CDIN1: variants seen among roughly 807,000 people sequenced by gnomAD.
CDIN1 encodes the protein CDAN1 interacting nuclease 1.
In CDIN1, 33 loss-of-function variants were observed where a neutral mutation model predicts 45.3. The observed-to-expected ratio is 0.73, with a 90% CI of 0.55 to 0.97. The LOEUF (loss-of-function observed/expected upper bound fraction) is 0.97. CDIN1 is among the 50% of genes least tolerant of loss of function. CDIN1 has a pLI of 0.00. For missense variants in CDIN1, 303 were observed against 339.4 expected, an observed-to-expected ratio of 0.89 and a Z score of 0.84; for synonymous variants, 118 against 124.4, an observed-to-expected ratio of 0.95 and a Z score of 0.34.
intron 10 of CDIN1, among the ~76,000 whole-genome samples, chr15:36,807,150 GCCGTGA>G (rs778098568): frequency 6.6e-6 from 1 of 152,126 alleles, no homozygotes; most frequent in Non-Finnish European, 1.5e-5. Context: ...AATAAACCAG[GCCGTGA>G]CATCCAATTG....
rs201451061 is a variant in CDIN1 at position 36,579,905 on chromosome 15, A to C, written c.45A>C (p.Leu15=). The C allele has an allele frequency of 5.1e-5, 82 of 1,613,934 alleles. 1 individual carries two copies. In the Middle Eastern group the frequency reaches 1.2e-3, roughly 23 times the overall value. Residue 15 remains leucine (L), a synonymous_variant, in exon 1 of 11, where the codon CTA becomes CTC. Coordinates refer to ENST00000566621, the MANE Select transcript of CDIN1 (RefSeq NM_001321759.2). ...AGTACGACGAGATAGCCCAGTGCCT[A>C]GTGTCTGTGCCGCCTACCAGGCAGA... ...KAQYDEIAQC[L]VSVPPTRQSL...
chr15:36,703,400 TATGATATAC>T (rs1181013190), intron 8 of CDIN1, among the ~76,000 whole-genome samples: 33 of 31,266 alleles, frequency 1.1e-3, no homozygotes, highest in Admixed American at 2.1e-3. Flanking sequence ...TATATATATA[TATGATATAC>T]ATATATATCA....
In CDIN1 at chr15:36,673,173, A is replaced by G. The variant is rs1409921334; in HGVS notation, c.346+15268A>G. Reference sequence around the variant, plus strand: ...TAAGAGGAGTAAATTGGAAAATCAAATGAGGGCTTTAGCAGCCGGGGAGAT... The same window carrying G: ...TAAGAGGAGTAAATTGGAAAATCAAGTGAGGGCTTTAGCAGCCGGGGAGAT... On this transcript the variant is annotated intron_variant, in intron 5 of 10. Coordinates refer to ENST00000566621, the MANE Select transcript of CDIN1 (RefSeq NM_001321759.2). Among the ~76,000 whole-genome samples, 5 of 152,056 alleles carry G rather than the reference A, an allele frequency of 3.3e-5. No homozygotes were observed. The East Asian group carries it at 9.6e-4, about 29-fold the overall frequency.
chr15:36,703,817 G>A (rs1261307728), intron 8 of CDIN1, among the ~76,000 whole-genome samples: 5 of 152,074 alleles, frequency 3.3e-5, no homozygotes, highest in Non-Finnish European at 7.4e-5. Context: ...CATGGAGCTG[G>A]CCCAGCAAGA....
At chr15:36,673,948 A>G (rs2041547425) in intron 5 of CDIN1, among the ~76,000 whole-genome samples, 1 of 152,076 alleles carries the variant, frequency 6.6e-6, no homozygotes, top group African/African-American at 2.4e-5. Context: ...TCCTGAAAGT[A>G]ACGGAATTTT....
intron 10 of CDIN1, among the ~76,000 whole-genome samples, chr15:36,744,652 T>G (rs774124700): frequency 3.3e-5 from 5 of 152,216 alleles, no homozygotes; most frequent in South Asian, 2.1e-4. Flanking sequence ...GGAAGGTTTT[T>G]CCAACCACCT....
intron 1 of CDIN1, among the ~76,000 whole-genome samples, chr15:36,608,338 G>A (rs1054731176): frequency 6.6e-6 from 1 of 152,150 alleles, no homozygotes; most frequent in Non-Finnish European, 1.5e-5. Context: ...TAACACTTGT[G>A]TATTGTGTCC....
intron 10 of CDIN1, among the ~76,000 whole-genome samples, chr15:36,777,110 G>A (rs2054239103): frequency 6.6e-6 from 1 of 152,044 alleles, no homozygotes; most frequent in Non-Finnish European, 1.5e-5. Context: ...CATTATCTTG[G>A]TTGTTGATGG....
At position 36,808,438 on chromosome 15, in the gene CDIN1, C is replaced by G. The variant is rs1566990654; in HGVS notation, c.831C>G (p.Cys277Trp). 6.2e-7 allele frequency: 1 copy of G among 1,613,408 alleles called. No individual in the cohort carries two copies. The highest frequency in any genetic ancestry group is 2.2e-5 in the East Asian group (1 of 44,866). Residue 277 changes from cysteine to tryptophan, a missense_variant, in exon 11 of 11, where the codon TGC (cysteine) becomes TGG (tryptophan). Physicochemically the swap from Cys to Trp is radical, Grantham distance 215. Transcript: ENST00000566621. The stretch of plus-strand genomic sequence containing the variant: ...TCCCCACGAACATTGTCACCTTATG[C>G]CACAGCATAGCTTGACCCTGAAGAT... Reference protein sequence around the residue: ...ACFPTNIVTLCHSIA With the variant: ...ACFPTNIVTLWHSIA
At chr15:36,763,736 TA>T (rs1426660248) in intron 10 of CDIN1, among the ~76,000 whole-genome samples, 1 of 152,162 alleles carries the variant, frequency 6.6e-6, no homozygotes, top group African/African-American at 2.4e-5. Context: ...TTCTACATTG[TA>T]TGTCTGTGTT....
At chr15:36,781,637 C>A (rs1289818955) in intron 10 of CDIN1, among the ~76,000 whole-genome samples, 1 of 152,144 alleles carries the variant, frequency 6.6e-6, no homozygotes, top group Non-Finnish European at 1.5e-5. Flanking sequence ...CACAGATATC[C>A]TTTTCAGTCC....
At chr15:36,740,678 C>T (rs1158068587) in intron 10 of CDIN1, among the ~76,000 whole-genome samples, 2 of 152,112 alleles carry the variant, frequency 1.3e-5, no homozygotes, top group African/African-American at 2.4e-5. Context: ...CACCCGAGGT[C>T]GGGAGTTCGA....
chr15:36,588,013 A>G (rs945114711), intron 1 of CDIN1, among the ~76,000 whole-genome samples: 2 of 152,206 alleles, frequency 1.3e-5, no homozygotes, highest in Non-Finnish European at 2.9e-5. Flanking sequence ...GTTAGAAGGT[A>G]GTAGCTGATC....
chr15:36,605,864 T>C (rs1263553924), intron 1 of CDIN1, among the ~76,000 whole-genome samples: 3 of 152,152 alleles, frequency 2.0e-5, no homozygotes, highest in Non-Finnish European at 4.4e-5. Context: ...TGCTTTTAAG[T>C]TTTCCTGTAC....
chr15:36,691,046 TTGTG>T (rs370806905), intron 5 of CDIN1: 4 of 430,368 alleles, frequency 9.3e-6, no homozygotes, highest in South Asian at 7.3e-5. Context: ...GGTGGAAAAC[TTGTG>T]TGTGTGTGTC....
chr15:36,800,144 A>G (rs1209301243), intron 10 of CDIN1, among the ~76,000 whole-genome samples: 1 of 152,160 alleles, frequency 6.6e-6, no homozygotes, highest in African/African-American at 2.4e-5. Flanking sequence ...GTGAATCAGT[A>G]TTTATCATAT....
At chr15:36,777,957 TAATTCTGCTGG>T (rs1337322756) in intron 10 of CDIN1, among the ~76,000 whole-genome samples, 1 of 152,230 alleles carries the variant, frequency 6.6e-6, no homozygotes, top group African/African-American at 2.4e-5. Context: ...ATGACCTAGT[TAATTCTGCTGG>T]AATTGGTAGC....
In CDIN1 at chr15:36,614,257, G is replaced by T. The variant is rs558995468; in HGVS notation, c.102-30021G>T. 14 of 605,704 alleles carry T rather than the reference G, an allele frequency of 2.3e-5. No homozygotes were observed. The East Asian group carries it at 3.1e-4, about 13-fold the overall frequency. 37.5% of individuals were successfully genotyped at this position (605,704 alleles called of 1,614,324 possible). A position where few individuals can be genotyped will look rare whatever the true frequency, so the allele number is the denominator to read the frequency against. ...CCCTCTGACCCTGACTCCACCTAAG[G>T]CCAGCCTGCCCGAAGCTGACCTTTA... On this transcript the variant is annotated intron_variant, in intron 1 of 10. Coordinates refer to ENST00000566621, the MANE Select transcript of CDIN1 (RefSeq NM_001321759.2).
chr15:36,674,184 A>G (rs577092579), intron 5 of CDIN1, among the ~76,000 whole-genome samples: 1 of 152,136 alleles, frequency 6.6e-6, no homozygotes, highest in Non-Finnish European at 1.5e-5. Context: ...TATTTACTGC[A>G]GTGTTTGCGC....
Sources: gnomAD v4.1 joint callset for allele counts (sites outside exome capture counted in the v4.1 genomes callset) on GRCh38, gnomAD v4.1.1 for gene constraint, MANE v1.5 for transcripts, NCBI Gene and HGNC (gene_info 2026-07-23, HGNC 2026-07-21) for gene names.